The following LARGE1 variants were observed in gnomAD, a reference collection of about 807,000 sequenced individuals.
LARGE1 encodes xylosyl- and glucuronyltransferase LARGE1.
In LARGE1, 43 loss-of-function variants were observed where a neutral mutation model predicts 87.6. The ratio of observed to expected loss-of-function variants is 0.49; its 90% CI spans 0.38 to 0.63. The LOEUF (loss-of-function observed/expected upper bound fraction) is 0.63. Among genes scored for constraint, LARGE1 ranks in the 30% least tolerant of loss-of-function variants. LARGE1 has a pLI of 0.00. For missense variants in LARGE1, 802 were observed against 1,000.2 expected, an observed-to-expected ratio of 0.80 and a Z score of 2.67; for synonymous variants, 434 against 394.6, an observed-to-expected ratio of 1.10 and a Z score of -1.18.
At chr22:33,514,337 T>A (rs1479955954) in intron 6 of LARGE1, among the ~76,000 whole-genome samples, 2 of 151,824 alleles carry the variant, frequency 1.3e-5, no homozygotes, top group African/African-American at 4.8e-5. Flanking sequence ...CATATGTGTG[T>A]ATATATATAT....
At chr22:33,125,807 G>T in the LARGE1 span, among the ~76,000 whole-genome samples, 1 of 152,014 alleles carries the variant, frequency 6.6e-6, no homozygotes, top group African/African-American at 2.4e-5. Flanking sequence ...GAGTGCAGTG[G>T]TGCAATCTTG....
At chr22:33,336,207 T>C (rs1045984019) in intron 10 of LARGE1, among the ~76,000 whole-genome samples, 9 of 152,168 alleles carry the variant, frequency 5.9e-5, no homozygotes, top group African/African-American at 9.7e-5. Context: ...TTTGTTGTTA[T>C]TGTTGTTGTT....
chr22:33,763,984 G>C (rs969153292), intron 1 of LARGE1, among the ~76,000 whole-genome samples: 10 of 150,894 alleles, frequency 6.6e-5, no homozygotes, highest in African/African-American at 2.4e-4. Flanking sequence ...CGAGTAGCTG[G>C]GATTACAGGC....
chr22:33,141,501 T>C, the LARGE1 span, among the ~76,000 whole-genome samples: 1 of 152,102 alleles, frequency 6.6e-6, no homozygotes, highest in Admixed American at 6.6e-5. Context: ...TGCCTTTTTA[T>C]AGTTACAGTT....
intron 6 of LARGE1, among the ~76,000 whole-genome samples, chr22:33,437,772 C>CA (rs150978165): frequency 1.8e-4 from 28 of 151,612 alleles, no homozygotes; most frequent in Admixed American, 7.9e-4. Context: ...GAATGAAAGA[C>CA]AAAAAAAACA....
intron 7 of LARGE1, among the ~76,000 whole-genome samples, chr22:33,387,750 C>T (rs2065379067): frequency 6.6e-6 from 1 of 152,130 alleles, no homozygotes; most frequent in East Asian, 1.9e-4. Flanking sequence ...GATCATCCTC[C>T]CTGTTAGCCA....
At chr22:33,869,168 A>AG (rs1045454759) in intron 1 of LARGE1, among the ~76,000 whole-genome samples, 5 of 152,150 alleles carry the variant, frequency 3.3e-5, no homozygotes, top group African/African-American at 1.2e-4. Context: ...CCTTGGAGCC[A>AG]GCTCCTTTGG....
intron 6 of LARGE1, among the ~76,000 whole-genome samples, chr22:33,436,216 T>G (rs1272639929): frequency 5.9e-5 from 9 of 152,226 alleles, no homozygotes; most frequent in Non-Finnish European, 1.3e-4. Flanking sequence ...TTACAGCTGC[T>G]GTGACTTCAC....
intron 11 of LARGE1, among the ~76,000 whole-genome samples, chr22:33,205,991 G>C (rs1199732744): frequency 8.3e-6 from 1 of 120,620 alleles, no homozygotes; most frequent in Non-Finnish European, 1.6e-5. Context: ...ATCTCGCTCT[G>C]TTGTCCAGGC....
chr22:33,563,325 C>G (rs935252942), intron 6 of LARGE1: 1 of 152,308 alleles, frequency 6.6e-6, no homozygotes, highest in Non-Finnish European at 1.5e-5. Context: ...CCTTCTCTAA[C>G]CCCCTCTAGG....
intron 11 of LARGE1, among the ~76,000 whole-genome samples, chr22:33,254,960 C>T (rs984122978): frequency 3.0e-5 from 4 of 133,260 alleles, no homozygotes; most frequent in African/African-American, 6.2e-5. Flanking sequence ...TTTTTTGAGA[C>T]GGAGTCTCAC....
At chr22:33,810,221 A>T (rs2086449410) in intron 1 of LARGE1, among the ~76,000 whole-genome samples, 1 of 152,216 alleles carries the variant, frequency 6.6e-6, no homozygotes, top group South Asian at 2.1e-4. Context: ...GCAGGTAAAG[A>T]AATTGGTTGA....
At position 33,679,851 on chromosome 22, in the gene LARGE1, A is replaced by C. The variant is rs564666498; in HGVS notation, c.107-29183T>G. On this transcript the variant is annotated intron_variant, in intron 2 of 14. Transcript: ENST00000397394. ...GAGCGAAACTCTGTCTCAAAAAACAAACAAACAAACAAAAGAAAAAAAGAA... is the reference window on the plus strand; with the variant it reads ...GAGCGAAACTCTGTCTCAAAAAACACACAAACAAACAAAAGAAAAAAAGAA... 5.1e-4 allele frequency among the ~76,000 whole-genome samples: 78 copies of C among 152,270 alleles called. 1 individual carries two copies. In the South Asian group the frequency reaches 0.016, roughly 31 times the overall value.
rs146163309 is a variant in LARGE1 at position 33,613,635 on chromosome 22, GA to G, written c.492-9078del. On this transcript the variant is annotated intron_variant, in intron 4 of 14. Transcript: ENST00000397394. ...AGCCTCCTGAGTAGCTGGGATTACA[GA>G]CATGTGCCATCACGCCCGGCTACTA... Among the ~76,000 whole-genome samples the G allele has an allele frequency of 5.6e-3, 855 of 152,280 alleles. 5 individuals are homozygous for G. Among genetic ancestry groups the G allele is most frequent in the African/African-American group, 0.019 (801 of 41,572 alleles).
At chr22:33,255,227 C>T (rs1048617105) in intron 11 of LARGE1, among the ~76,000 whole-genome samples, 4 of 152,136 alleles carry the variant, frequency 2.6e-5, no homozygotes, top group Admixed American at 1.3e-4. Context: ...CGTGAGCCAC[C>T]GTGCCTGGCC....
chr22:33,525,183 CCA>C (rs1397106240), intron 6 of LARGE1, among the ~76,000 whole-genome samples: 1 of 152,220 alleles, frequency 6.6e-6, no homozygotes, highest in African/African-American at 2.4e-5. Context: ...TGCAGGTCTG[CCA>C]CAGAGAACAG....
At chr22:33,795,995 T>G (rs1316607760) in intron 1 of LARGE1, among the ~76,000 whole-genome samples, 1 of 116,098 alleles carries the variant, frequency 8.6e-6, no homozygotes, top group Admixed American at 7.7e-5. Context: ...ACTTAAAGTA[T>G]TAAAAAAAAA....
In LARGE1 at chr22:33,604,563, G is replaced by A. The variant is rs775390377; in HGVS notation, c.492-5C>T. ...TGGAAGTGCAGAGGGTTCCGTCTGT[G>A]GGGAGTGTGAGAAGGAAGGGTCAGG... is the stretch of plus-strand genomic sequence containing the variant. On this transcript the variant is annotated splice_polypyrimidine_tract_variant and splice_region_variant and intron_variant, in intron 4 of 14. Coordinates refer to ENST00000397394, the MANE Select transcript of LARGE1 (RefSeq NM_133642.5). 7 of 1,614,034 alleles carry A rather than the reference G, an allele frequency of 4.3e-6. No individual in the cohort carries two copies. The East Asian group carries it at 1.6e-4, about 36-fold the overall frequency.
chr22:33,141,194 T>TCTCACA, the LARGE1 span, among the ~76,000 whole-genome samples: 65 of 141,818 alleles, frequency 4.6e-4, no homozygotes, highest in African/African-American at 1.6e-3. Flanking sequence ...TCTCTCTCTC[T>TCTCACA]CACACACACA....
Sources: gnomAD v4.1 joint callset for allele counts (sites outside exome capture counted in the v4.1 genomes callset) on GRCh38, gnomAD v4.1.1 for gene constraint, MANE v1.5 for transcripts, NCBI Gene and HGNC (gene_info 2026-07-23, HGNC 2026-07-21) for gene names.